Variants in ZNF813 observed in about 807,000 individuals in gnomAD.
The protein encoded by ZNF813 is zinc finger protein 813.
Under a neutral mutation model 7.2 loss-of-function variants are expected in ZNF813, and 3 were observed. That is an observed-to-expected ratio of 0.42 (90% CI 0.19 to 1.08). ZNF813 has a LOEUF of 1.08. Ranked by LOEUF, ZNF813 falls within the 50% of genes least tolerant of loss-of-function variation. The probability of loss-of-function intolerance (pLI) is 0.30; values close to 1 mark genes in which losing one functional copy is unlikely to be tolerated. For missense variants in ZNF813, 714 were observed against 753.3 expected, an observed-to-expected ratio of 0.95 and a Z score of 0.61; for synonymous variants, 227 against 256.3, an observed-to-expected ratio of 0.89 and a Z score of 1.09.
chr19:53,486,501 A>T, intron 2 of ZNF813, 131 bp from the exon 3 acceptor site: 5 of 1,567,314 alleles, frequency 3.2e-6, no homozygotes, highest in Non-Finnish European at 4.3e-6. Context: ...GTGGTGAAGA[A>T]CCCCTTACTC....
At chr19:53,476,368 C>G (rs912456400) in intron 1 of ZNF813, among the ~76,000 whole-genome samples, 1 of 151,972 alleles carries the variant, frequency 6.6e-6, no homozygotes, top group African/African-American at 2.4e-5. Context: ...TGGTGGCTCG[C>G]GCCTGTAATC....
At chr19:53,481,394 T>C (rs2086408107) in intron 1 of ZNF813, among the ~76,000 whole-genome samples, 1 of 144,310 alleles carries the variant, frequency 6.9e-6, no homozygotes. Context: ...TTGCTCAGGC[T>C]AGAGTGCAAT....
chr19:53,474,433 A>AC (rs1474497415), intron 1 of ZNF813, among the ~76,000 whole-genome samples: 1 of 152,182 alleles, frequency 6.6e-6, no homozygotes, highest in African/African-American at 2.4e-5. Flanking sequence ...TCATGCCTGT[A>AC]ATCCTACCAC....
chr19:53,488,155 G>C (rs1449363545), intron 3 of ZNF813: 2 of 422,824 alleles, frequency 4.7e-6, no homozygotes, highest in Non-Finnish European at 9.5e-6. Context: ...TTCCCGAGTA[G>C]CTGGGATTAC....
chr19:53,487,266 A>C (rs888598440), intron 3 of ZNF813, among the ~76,000 whole-genome samples: 3 of 152,162 alleles, frequency 2.0e-5, no homozygotes, highest in Non-Finnish European at 4.4e-5. Context: ...AGTATTACTG[A>C]TGGAGAAGAC....
At chr19:53,488,718 C>T (rs551024197) in intron 3 of ZNF813, among the ~76,000 whole-genome samples, 4 of 151,802 alleles carry the variant, frequency 2.6e-5, no homozygotes, top group South Asian at 2.1e-4. Context: ...CGCGCCCAGC[C>T]GTTAGTCAAT....
At chr19:53,479,464 TG>T (rs765505255) in intron 1 of ZNF813, 301 of 1,510,820 alleles carry the variant, frequency 2.0e-4, no homozygotes, top group Non-Finnish European at 2.5e-4. Flanking sequence ...GAGAGAAAGG[TG>T]GGCCCGGGAA....
intron 3 of ZNF813, among the ~76,000 whole-genome samples, chr19:53,486,981 G>GTTTTTTTTTTT (rs67693797): frequency 1.2e-5 from 1 of 86,066 alleles, no homozygotes; most frequent in Non-Finnish European, 2.5e-5. Flanking sequence ...TACTTTTTTA[G>GTTTTTTTTTTT]TTTTTTTTTT....
At chr19:53,480,566 C>G (rs1409238679) in intron 1 of ZNF813, among the ~76,000 whole-genome samples, 1 of 152,096 alleles carries the variant, frequency 6.6e-6, no homozygotes, top group East Asian at 1.9e-4. Flanking sequence ...TGCATGCTTT[C>G]TAGTCTTTAT....
At chr19:53,480,494 T>TA (rs2086403280) in intron 1 of ZNF813, among the ~76,000 whole-genome samples, 1 of 152,208 alleles carries the variant, frequency 6.6e-6, no homozygotes, top group Non-Finnish European at 1.5e-5. Context: ...GTTAGATTTT[T>TA]GAAAGACAAT....
chr19:53,494,696 A>G lies in ZNF813; in HGVS notation c.*2610A>G, dbSNP rs1271210925. The G allele has an allele frequency of 6.6e-6, 1 of 151,890 alleles. No individual in the cohort carries two copies. The highest frequency in any genetic ancestry group is 1.5e-5 in the Non-Finnish European group (1 of 68,006). The allele number at this position is 151,890 out of a possible 1,614,324, so 9.4% of individuals were successfully genotyped here. ...AAGAGACTCTATCAAAGCAATATAA[A>G]TCCTGCTAAAATTGAAACAAAAAGG... On this transcript the variant is annotated 3_prime_UTR_variant, in exon 4 of 4. Coordinates refer to ENST00000396403, the MANE Select transcript of ZNF813 (RefSeq NM_001004301.4).
rs1469145926 is a variant in ZNF813, at chr19:53,494,220, A to AT, written c.*2138dup. 1.3e-5 allele frequency: 2 copies of AT among 152,194 alleles called. No homozygotes were observed. The highest frequency in any genetic ancestry group is 3.8e-4 in the East Asian group (2 of 5,202). 9.4% of individuals were successfully genotyped at this position (152,194 alleles called of 1,614,324 possible). On this transcript the variant is annotated 3_prime_UTR_variant, in exon 4 of 4. Coordinates refer to ENST00000396403, the MANE Select transcript of ZNF813 (RefSeq NM_001004301.4). ...TCAAGAAGTTCATGGAAAAATACAT[A>AT]TTTTGCATATTATGAGAAAATTGTG...
chr19:53,491,434 A>G lies in ZNF813; in HGVS notation c.1202A>G (p.His401Arg), dbSNP rs2086461391. The G allele has an allele frequency of 6.2e-7, 1 of 1,614,186 alleles. No homozygotes were observed. Among genetic ancestry groups the G allele is most frequent in the South Asian group, 1.1e-5 (1 of 91,078 alleles). Residue 401 changes from histidine to arginine, a missense_variant, in exon 4 of 4, where the codon CAT becomes CGT. Physicochemically the swap from His to Arg is conservative, Grantham distance 29 (BLOSUM62 0). Around this residue, in one of 3 missense-constraint regions of ZNF813, gnomAD observed 563 missense variants for 554.2 expected, o/e 1.02. Coordinates refer to ENST00000396403, the MANE Select transcript of ZNF813 (RefSeq NM_001004301.4). ...AGTCAGGAGTTAACCCTTAAATGCC[A>G]TCGTAGACTTCATACCGGAGAGAAG... ...TFSQELTLKC[H>R]RRLHTGEKPY...
Position 53,485,321 on chromosome 19 carries a change from C to G in ZNF813, c.16-1311C>G, listed in dbSNP as rs368212922. Reference sequence around the variant, plus strand: ...GTCCTTTTCCAGCAAGATGAGATCCCTCTTCAGTTCAACAAAACTTGCTAC... The same window carrying G: ...GTCCTTTTCCAGCAAGATGAGATCCGTCTTCAGTTCAACAAAACTTGCTAC... On this transcript the variant is annotated intron_variant, in intron 2 of 3. Transcript: ENST00000396403. Among the ~76,000 whole-genome samples the G allele has an allele frequency of 5.3e-5, 8 of 152,190 alleles. No homozygotes were observed. In the East Asian group the frequency reaches 1.2e-3, roughly 22 times the overall value.
Position 53,482,261 on chromosome 19 carries a change from C to T in ZNF813, c.-73-1489C>T, listed in dbSNP as rs145345236. 4.3e-3 allele frequency among the ~76,000 whole-genome samples: 648 copies of T among 152,282 alleles called. 7 individuals carry two copies. The highest frequency in any genetic ancestry group is 0.015 in the African/African-American group (628 of 41,550). ...TAGACTCAGACACAGAGACCATCTT[C>T]GAGGCCTTTCTCTGTATGAGGACAT... On this transcript the variant is annotated intron_variant, in intron 1 of 3. Transcript: ENST00000396403.
intron 3 of ZNF813, among the ~76,000 whole-genome samples, chr19:53,489,813 C>T (rs2086450619): frequency 6.6e-6 from 1 of 152,052 alleles, no homozygotes; most frequent in Non-Finnish European, 1.5e-5. Context: ...ATTCTTGTGC[C>T]TCAGCCTCCT....
At chr19:53,485,961 C>T (rs538105097) in intron 2 of ZNF813, among the ~76,000 whole-genome samples, 58 of 152,156 alleles carry the variant, frequency 3.8e-4, no homozygotes, top group Admixed American at 7.2e-4. Context: ...TGCAATGGTG[C>T]GATTTTGGAT....
chr19:53,488,433 G>C (rs1302000918), intron 3 of ZNF813: 7 of 297,412 alleles, frequency 2.4e-5, no homozygotes, highest in African/African-American at 1.6e-4. Flanking sequence ...TTTTGAGATG[G>C]AGTCTTGGTC....
chr19:53,473,496 CA>C (rs2086368974), intron 1 of ZNF813, among the ~76,000 whole-genome samples: 1 of 152,216 alleles, frequency 6.6e-6, no homozygotes, highest in Non-Finnish European at 1.5e-5. Flanking sequence ...CTGGCTGGTC[CA>C]CTTGCCCTGA....
Sources: gnomAD v4.1 joint callset for allele counts (sites outside exome capture counted in the v4.1 genomes callset) on GRCh38, gnomAD v4.1.1 for gene constraint, gnomAD v4.1.1 regional missense constraint, MANE v1.5 for transcripts, NCBI Gene and HGNC (gene_info 2026-07-23, HGNC 2026-07-21) for gene names.